FAT2: variants seen among roughly 807,000 people sequenced by gnomAD.
FAT2 encodes FAT atypical cadherin 2.
In FAT2, 150 loss-of-function variants were observed where a neutral mutation model predicts 295.3. The observed-to-expected ratio is 0.51, with a 90% CI of 0.44 to 0.58. The LOEUF (loss-of-function observed/expected upper bound fraction) is 0.58, where lower values mean the gene tolerates loss of function less well. Among genes scored for constraint, FAT2 ranks in the 20% least tolerant of loss-of-function variants. FAT2 has a pLI of 0.00. For synonymous variants in FAT2, 2,026 were observed against 2,150.3 expected, an observed-to-expected ratio of 0.94 and a Z score of 1.60; for missense variants, 4,868 against 5,442.7, an observed-to-expected ratio of 0.89 and a Z score of 3.32.
At chr5:151,555,002 C>G (rs1561865287) in intron 4 of FAT2, among the ~76,000 whole-genome samples, 1 of 152,182 alleles carries the variant, frequency 6.6e-6, no homozygotes. Flanking sequence ...AATTTTAGTT[C>G]TCTGGTTTCC....
In FAT2 at chr5:151,546,039, C is replaced by G. The variant is rs981061123; in HGVS notation, c.5088G>C (p.Glu1696Asp). 1.2e-6 allele frequency: 2 copies of G among 1,614,028 alleles called. No homozygotes were observed. The highest frequency in any genetic ancestry group is 1.7e-6 in the Non-Finnish European group (2 of 1,180,038). The change falls in exon 10 of 24, where the codon GAG becomes GAC. Residue 1696 changes from glutamate to aspartate, a missense_variant. By Grantham distance (45) the Glu-to-Asp change is conservative (BLOSUM62 2). This residue lies in a region of FAT2 where 3,297 missense variants were observed against 3,669.4 expected (regional missense o/e 0.90). Coordinates refer to ENST00000261800, the MANE Select transcript of FAT2 (RefSeq NM_001447.3). ...SPSEVTYELR[E>D]GNKDGVFSMN... ...TAGAGAAGACTCCATCCTTATTTCC[C>G]TCTCTTAACTCATAGGTAACTTCAG...
intron 16 of FAT2, among the ~76,000 whole-genome samples, 165 bp from the exon 17 acceptor site, chr5:151,527,542 A>G (rs942796486): frequency 3.9e-5 from 6 of 152,088 alleles, no homozygotes; most frequent in Non-Finnish European, 8.8e-5. Flanking sequence ...CTGGAGTCAG[A>G]CAGAAATAGG....
At chr5:151,562,171 C>T (rs1758043153) in intron 3 of FAT2, among the ~76,000 whole-genome samples, 2 of 152,164 alleles carry the variant, frequency 1.3e-5, no homozygotes, top group African/African-American at 4.8e-5. Flanking sequence ...TCACCCACCC[C>T]TCTGTCTGCT....
chr5:151,541,207 A>T lies in FAT2; in HGVS notation c.8843-444T>A, dbSNP rs367643157. Among the ~76,000 whole-genome samples, 11 of 152,362 alleles carry T rather than the reference A, an allele frequency of 7.2e-5. No homozygotes were observed. In the East Asian group the frequency reaches 1.9e-3, roughly 27 times the overall value. ...CCCTAAGTGGAGGTTCTGTAGGAGC[A>T]CTAGGGTTTGCTTGTAAGTCATCTT... is the stretch of plus-strand genomic sequence containing the variant. On this transcript the variant is annotated intron_variant, in intron 10 of 23. Transcript: ENST00000261800.
At chr5:151,507,683 A>C in intron 22 of FAT2, 72 bp from the exon 23 acceptor site, 1 of 1,378,564 alleles carries the variant, frequency 7.3e-7, no homozygotes, top group Non-Finnish European at 9.7e-7. Context: ...ACAGAGATCT[A>C]TGGGATAGAG....
intron 3 of FAT2, 80 bp downstream of exon 3, chr5:151,563,245 C>T: frequency 7.5e-7 from 1 of 1,330,300 alleles, no homozygotes; most frequent in Non-Finnish European, 1.1e-6. Flanking sequence ...CACAGTAATG[C>T]TGATGGTGCC....
chr5:151,516,339 G>A (rs566983546), intron 20 of FAT2, among the ~76,000 whole-genome samples: 3 of 151,966 alleles, frequency 2.0e-5, no homozygotes, highest in South Asian at 2.1e-4. Context: ...GTGAAACCTC[G>A]TCTCTGCTAA....
intron 3 of FAT2, among the ~76,000 whole-genome samples, chr5:151,563,119 T>G (rs1405069542): frequency 6.6e-6 from 1 of 152,206 alleles, no homozygotes; most frequent in Non-Finnish European, 1.5e-5. Flanking sequence ...AGTACACATT[T>G]GAAACACATC....
chr5:151,533,674 A>AG (rs563997980), intron 13 of FAT2, among the ~76,000 whole-genome samples: 35 of 151,942 alleles, frequency 2.3e-4, no homozygotes, highest in Non-Finnish European at 5.0e-4. Flanking sequence ...TTTTTACCCT[A>AG]TCTGAATTAT....
chr5:151,537,345 A>AG (rs1459946535), intron 12 of FAT2, among the ~76,000 whole-genome samples: 25 of 88,460 alleles, frequency 2.8e-4, no homozygotes, highest in East Asian at 2.3e-3. Context: ...AAAGAAAAGA[A>AG]AAGAAAAAAG....
chr5:151,538,077 A>G, intron 11 of FAT2, 131 bp from the exon 12 acceptor site: 3 of 671,928 alleles, frequency 4.5e-6, no homozygotes, highest in Non-Finnish European at 7.3e-6. Flanking sequence ...GAAGAGAGAC[A>G]GAAAAAAGAA....
intron 19 of FAT2, among the ~76,000 whole-genome samples, chr5:151,519,233 A>T (rs1027034174): frequency 2.0e-5 from 3 of 152,182 alleles, no homozygotes; most frequent in Admixed American, 6.5e-5. Context: ...AATTCCAGCT[A>T]CTCACGAGGC....
intron 3 of FAT2, among the ~76,000 whole-genome samples, chr5:151,561,509 G>A (rs904003355): frequency 1.3e-5 from 2 of 152,134 alleles, no homozygotes; most frequent in South Asian, 2.1e-4. Context: ...TGCTACCTCA[G>A]CCTTCTGAAT....
intron 4 of FAT2, among the ~76,000 whole-genome samples, chr5:151,555,596 C>T (rs1581430538): frequency 1.3e-5 from 2 of 152,188 alleles, no homozygotes; most frequent in African/African-American, 2.4e-5. Context: ...TCTTGAACTC[C>T]TAACCCCAAG....
chr5:151,522,861 G>A (rs1382892103), intron 18 of FAT2, among the ~76,000 whole-genome samples: 2 of 152,212 alleles, frequency 1.3e-5, no homozygotes, highest in Non-Finnish European at 1.5e-5. Flanking sequence ...CCTCACTGAT[G>A]GGCTGGCACG....
intron 10 of FAT2, among the ~76,000 whole-genome samples, chr5:151,541,262 A>ATTCT (rs1756106995): frequency 1.3e-5 from 2 of 152,226 alleles, no homozygotes; most frequent in Non-Finnish European, 2.9e-5. Flanking sequence ...ACTGACAAGA[A>ATTCT]TGTGGGAATA....
rs1244396101 is a variant in FAT2, at chr5:151,545,482, A to G, written c.5645T>C (p.Val1882Ala). ...FSEQIYEVAIVGPIHPGMELL... is the reference protein window; with the variant it reads ...FSEQIYEVAIAGPIHPGMELL... The stretch of plus-strand genomic sequence containing the variant: ...CTCCATGCCTGGATGGATAGGCCCG[A>G]CTATTGCTACCTCATATATCTGTTC... The change falls in exon 10 of 24, where the codon GTC (valine) becomes GCC (alanine). Residue 1882 changes from valine to alanine, a missense_variant. Physicochemically the swap from Val to Ala is moderately conservative, Grantham distance 64. Transcript: ENST00000261800. 1.9e-5 allele frequency: 31 copies of G among 1,614,166 alleles called. No individual in the cohort carries two copies. The highest frequency in any genetic ancestry group is 1.9e-4 in the South Asian group (17 of 91,068).
At position 151,551,605 on chromosome 5, in the gene FAT2, A is replaced by G. The variant is rs1249638077; in HGVS notation, c.4158T>C (p.Gly1386=). 1.9e-6 allele frequency: 3 copies of G among 1,613,972 alleles called. No homozygotes were observed. Among genetic ancestry groups the G allele is most frequent in the African/African-American group, 2.7e-5 (2 of 74,928 alleles). Residue 1386 remains glycine, a splice_region_variant and synonymous_variant, in exon 7 of 24, where the codon GGT becomes GGC. Coordinates refer to ENST00000261800, the MANE Select transcript of FAT2 (RefSeq NM_001447.3). The part of the protein sequence containing the change: ...RPGLFWFNIS[G]GDKDMDFDIE... ...TGTCAAAGTCCATGTCCTTATCCCC[A>G]CCTAGAGTGGGAGTGGGGAGAAAGC...
In FAT2 at chr5:151,554,357, C is replaced by T. The variant is rs987574197; in HGVS notation, c.3945+5G>A. ...TCCCTCCGTGGCTTCCTTCTGTCTG[C>T]TCACCGTTAGGATGTTGTACTCTCC... On this transcript the variant is annotated splice_donor_5th_base_variant and intron_variant, in intron 5 of 23. Transcript: ENST00000261800. 6.2e-7 allele frequency: 1 copy of T among 1,607,300 alleles called. No individual in the cohort carries two copies. The highest frequency in any genetic ancestry group is 8.5e-7 in the Non-Finnish European group (1 of 1,175,156).
Sources: allele counts gnomAD v4.1 joint callset (sites outside exome capture counted in the v4.1 genomes callset), GRCh38; gene constraint gnomAD v4.1.1; regional missense constraint gnomAD v4.1.1; transcripts MANE v1.5; gene names NCBI Gene and HGNC (gene_info 2026-07-23, HGNC 2026-07-21).